RELN: variants seen among roughly 807,000 people sequenced by gnomAD.
RELN encodes reelin.
A neutral mutation model predicts 427.6 loss-of-function variants in RELN; 108 were observed. The ratio of observed to expected loss-of-function variants is 0.25; its 90% CI spans 0.22 to 0.30. The LOEUF is 0.30. Ranked by LOEUF, RELN falls within the 10% of genes least tolerant of loss-of-function variation. The pLI, the probability that RELN is intolerant of heterozygous loss-of-function variation, is 1.00. For synonymous variants in RELN, 1,524 were observed against 1,513.4 expected, an observed-to-expected ratio of 1.01 and a Z score of -0.16; for missense variants, 3,715 against 4,302.8, an observed-to-expected ratio of 0.86 and a Z score of 3.82.
chr7:103,887,742 C>A (rs974509016), intron 2 of RELN, among the ~76,000 whole-genome samples: 1 of 151,540 alleles, frequency 6.6e-6, no homozygotes, highest in Non-Finnish European at 1.5e-5. Context: ...CCTGTCTTTC[C>A]CCTAATTAAA....
chr7:103,931,925 T>C (rs1367491698), intron 1 of RELN, among the ~76,000 whole-genome samples: 1 of 152,132 alleles, frequency 6.6e-6, no homozygotes, highest in African/African-American at 2.4e-5. Context: ...AAGGACACAA[T>C]ACACTGTTGG....
Position 103,540,356 on chromosome 7 carries a change from C to A in RELN, c.6771G>T (p.Ser2257=). Residue 2257 remains serine, a synonymous_variant, in exon 44 of 65, where the codon TCG becomes TCT. Coordinates refer to ENST00000428762, the MANE Select transcript of RELN (RefSeq NM_005045.4). ...AAAGGAACTCCTGAAGAAGACTCCA[C>A]GAGAGGCCACCGTTGAGAGAATACT... ...LLQYSLNGGL[S]WSLLQEFLFS... 2 of 1,614,106 alleles carry A rather than the reference C, an allele frequency of 1.2e-6. No individual in the cohort carries two copies. The highest frequency in any genetic ancestry group is 1.1e-5 in the South Asian group (1 of 91,076).
chr7:103,704,429 C>G (rs894654547), intron 8 of RELN, among the ~76,000 whole-genome samples: 1 of 152,034 alleles, frequency 6.6e-6, no homozygotes, highest in African/African-American at 2.4e-5. Context: ...TTATAATGCC[C>G]TCATCTTTCA....
intron 2 of RELN, among the ~76,000 whole-genome samples, chr7:103,895,341 G>A (rs1794936874): frequency 6.6e-6 from 1 of 151,994 alleles, no homozygotes; most frequent in African/African-American, 2.4e-5. Flanking sequence ...TACCACACGA[G>A]GCAAATGGGG....
intron 1 of RELN, among the ~76,000 whole-genome samples, chr7:103,954,311 T>G (rs1464270171): frequency 6.6e-6 from 1 of 152,134 alleles, no homozygotes; most frequent in Non-Finnish European, 1.5e-5. Flanking sequence ...ATATCCTGCT[T>G]CTGTCTTTTC....
At chr7:103,618,163 C>G (rs1271678625) in intron 20 of RELN, among the ~76,000 whole-genome samples, 1 of 152,248 alleles carries the variant, frequency 6.6e-6, no homozygotes, top group African/African-American at 2.4e-5. Flanking sequence ...TATGTTCTCA[C>G]TTATTTTTTG....
At chr7:103,884,168 A>C (rs1794672236) in intron 2 of RELN, among the ~76,000 whole-genome samples, 1 of 152,206 alleles carries the variant, frequency 6.6e-6, no homozygotes, top group Non-Finnish European at 1.5e-5. Flanking sequence ...CCTGATAAAA[A>C]CAAGAAATGG....
chr7:103,595,737 A>G (rs1229177690), intron 25 of RELN, among the ~76,000 whole-genome samples: 1 of 152,076 alleles, frequency 6.6e-6, no homozygotes, highest in African/African-American at 2.4e-5. Context: ...GAGATTATAA[A>G]AAGTATTCTA....
At chr7:103,929,340 G>A (rs1375036590) in intron 1 of RELN, among the ~76,000 whole-genome samples, 1 of 152,134 alleles carries the variant, frequency 6.6e-6, no homozygotes, top group African/African-American at 2.4e-5. Context: ...AATCACTTGT[G>A]TTCTAAACTT....
Position 103,662,625 on chromosome 7 carries a change from C to CAAAA in RELN, c.1290-1102_1290-1099dup, listed in dbSNP as rs747230376. On this transcript the variant is annotated intron_variant, in intron 11 of 64. Coordinates refer to ENST00000428762, the MANE Select transcript of RELN (RefSeq NM_005045.4). ...TGGGTGACACAGCGAGACTCCGTCA[C>CAAAA]AAAAAAAAAAAAAAAAAAAAGAAAC... Among the ~76,000 whole-genome samples the CAAAA allele has an allele frequency of 5.3e-4, 41 of 77,084 alleles. 1 individual carries two copies. Among genetic ancestry groups the CAAAA allele is most frequent in the African/African-American group, 4.8e-4 (9 of 18,690 alleles). The allele number at this position is 77,084 out of a possible 152,430, so 50.6% of individuals were successfully genotyped here.
chr7:103,558,848 G>A (rs1011928693), intron 36 of RELN, among the ~76,000 whole-genome samples: 21 of 152,046 alleles, frequency 1.4e-4, no homozygotes, highest in African/African-American at 3.4e-4. Flanking sequence ...GACTCTTTAC[G>A]GATGCACGGC....
At chr7:103,491,778 G>A (rs1302628050) in intron 58 of RELN, among the ~76,000 whole-genome samples, 175 bp downstream of exon 58, 3 of 150,642 alleles carry the variant, frequency 2.0e-5, no homozygotes, top group East Asian at 2.0e-4. Flanking sequence ...GCGGTGAGCC[G>A]AGATCCCACC....
Position 103,519,506 on chromosome 7 carries a change from C to T in RELN, c.7679G>A (p.Arg2560Gln). 6.2e-7 allele frequency: 1 copy of T among 1,607,692 alleles called. No homozygotes were observed. The highest frequency in any genetic ancestry group is 8.5e-7 in the Non-Finnish European group (1 of 1,174,726). The change falls in exon 49 of 65, where the codon CGA (arginine) becomes CAA (glutamine). Residue 2560 changes from arginine (R) to glutamine (Q), a missense_variant. Around this residue, in one of 4 missense-constraint regions of RELN, gnomAD observed 1,310 missense variants for 1,643.0 expected, o/e 0.80. Coordinates refer to ENST00000428762, the MANE Select transcript of RELN (RefSeq NM_005045.4). ...GTTTAGATCCACAGTGACTAATAAT[C>T]GACTACAACCCTAAGAAAAAGAAGT... is the stretch of plus-strand genomic sequence containing the variant. ...MALHFSGGCS[R>Q]LLVTVDLNLT...
intron 3 of RELN, among the ~76,000 whole-genome samples, chr7:103,806,287 C>T (rs1032250714): frequency 6.6e-6 from 1 of 152,012 alleles, no homozygotes; most frequent in Non-Finnish European, 1.5e-5. Context: ...ATTATCCTTG[C>T]TATTGAGGGG....
At chr7:103,748,324 T>A (rs1199950293) in intron 6 of RELN, among the ~76,000 whole-genome samples, 4 of 152,116 alleles carry the variant, frequency 2.6e-5, no homozygotes, top group Non-Finnish European at 5.9e-5. Flanking sequence ...ACTATCTAGA[T>A]GTATATTTCT....
intron 2 of RELN, among the ~76,000 whole-genome samples, chr7:103,916,848 G>A (rs1016796813): frequency 6.6e-6 from 1 of 152,104 alleles, no homozygotes; most frequent in Admixed American, 6.6e-5. Flanking sequence ...GCAGTGGAGG[G>A]AGAGAATGAA....
chr7:103,863,399 G>A (rs1370534138), intron 2 of RELN, among the ~76,000 whole-genome samples: 1 of 152,164 alleles, frequency 6.6e-6, no homozygotes, highest in African/African-American at 2.4e-5. Context: ...GAAACATGAA[G>A]TGATTTGTCC....
At chr7:103,724,264 T>C (rs1324129427) in intron 7 of RELN, among the ~76,000 whole-genome samples, 2 of 152,138 alleles carry the variant, frequency 1.3e-5, no homozygotes, top group African/African-American at 4.8e-5. Context: ...TTTAGACATA[T>C]CCTTGCACTT....
At chr7:103,559,840 T>C (rs553227233) in intron 36 of RELN, among the ~76,000 whole-genome samples, 60 of 152,332 alleles carry the variant, frequency 3.9e-4, no homozygotes, top group Non-Finnish European at 8.1e-4. Context: ...AGATAGACAG[T>C]TGATAGATTC....
Sources: allele counts gnomAD v4.1 joint callset (sites outside exome capture counted in the v4.1 genomes callset), GRCh38; gene constraint gnomAD v4.1.1; regional missense constraint gnomAD v4.1.1; transcripts MANE v1.5; gene names NCBI Gene and HGNC (gene_info 2026-07-23, HGNC 2026-07-21).